The following DCUN1D4 variants were observed in gnomAD, a reference collection of about 807,000 sequenced individuals.
DCUN1D4 encodes DCN1-like protein 4.
Under a neutral mutation model 47.9 loss-of-function variants are expected in DCUN1D4, and 22 were observed. The observed-to-expected ratio is 0.46, with a 90% CI of 0.33 to 0.66. The LOEUF is 0.66. Ranked by LOEUF, DCUN1D4 falls within the 30% of genes least tolerant of loss-of-function variation. The pLI is 0.02. For missense variants in DCUN1D4, 301 were observed against 340.8 expected, an observed-to-expected ratio of 0.88 and a Z score of 0.92; for synonymous variants, 121 against 112.2, an observed-to-expected ratio of 1.08 and a Z score of -0.50.
chr4:51,863,839 T>A, intron 3 of DCUN1D4, 130 bp downstream of exon 3: 1 of 956,372 alleles, frequency 1.0e-6, no homozygotes, highest in Non-Finnish European at 1.5e-6. Flanking sequence ...GCTGAGGTTG[T>A]TTTTCAGGGA....
chr4:51,839,760 C>T (rs1354631074), upstream of DCUN1D4, among the ~76,000 whole-genome samples: 1 of 152,212 alleles, frequency 6.6e-6, no homozygotes, highest in African/African-American at 2.4e-5. Context: ...ATTTATCTGT[C>T]TGTGCAGGCC....
intron 7 of DCUN1D4, among the ~76,000 whole-genome samples, chr4:51,897,942 T>C (rs757139588): frequency 4.6e-5 from 7 of 152,214 alleles, no homozygotes; most frequent in Non-Finnish European, 7.3e-5. Flanking sequence ...AGAAGAATTA[T>C]AGCCAATAAA....
chr4:51,901,344 G>A (rs1467729201), intron 8 of DCUN1D4, among the ~76,000 whole-genome samples: 4 of 152,176 alleles, frequency 2.6e-5, no homozygotes, highest in African/African-American at 4.8e-5. Context: ...AAATGGCCAC[G>A]TTGTTCATAG....
chr4:51,842,964 T>C, upstream of DCUN1D4: 1 of 998,956 alleles, frequency 1.0e-6, no homozygotes, highest in Non-Finnish European at 1.3e-6. Context: ...CCAGGGGCGT[T>C]ACGGAGACAA....
chr4:51,866,463 G>T (rs1262598178), intron 3 of DCUN1D4, among the ~76,000 whole-genome samples: 1 of 151,982 alleles, frequency 6.6e-6, no homozygotes, highest in Non-Finnish European at 1.5e-5. Flanking sequence ...TTTCCACTCA[G>T]TATATCCTTG....
chr4:51,844,377 C>T (rs1460642451), intron 1 of DCUN1D4: 8 of 984,216 alleles, frequency 8.1e-6, no homozygotes, highest in African/African-American at 1.8e-5. Flanking sequence ...GGCCGTGGTT[C>T]CCCCCGGACG....
chr4:51,866,809 C>T (rs978946572), intron 3 of DCUN1D4, among the ~76,000 whole-genome samples: 4 of 152,214 alleles, frequency 2.6e-5, no homozygotes, highest in Admixed American at 6.5e-5. Flanking sequence ...ACAGTGGATA[C>T]GTCCAATACT....
chr4:51,842,483 A>C (rs1377436579), upstream of DCUN1D4, among the ~76,000 whole-genome samples: 1 of 152,260 alleles, frequency 6.6e-6, no homozygotes, highest in African/African-American at 2.4e-5. Context: ...GAGAGGATGG[A>C]TCTTCGTAGG....
At chr4:51,903,354 G>A (rs547348943) in intron 8 of DCUN1D4, among the ~76,000 whole-genome samples, 1 of 152,222 alleles carries the variant, frequency 6.6e-6, no homozygotes, top group Non-Finnish European at 1.5e-5. Flanking sequence ...TTCATCATGT[G>A]TAATTATAAA....
At chr4:51,844,427 G>A (rs1308695237) in intron 1 of DCUN1D4, 6 of 983,984 alleles carry the variant, frequency 6.1e-6, no homozygotes, top group Non-Finnish European at 7.2e-6. Flanking sequence ...CTCCGGCAGC[G>A]GGACTAGGAG....
chr4:51,848,605 T>C (rs961416731), intron 1 of DCUN1D4, among the ~76,000 whole-genome samples: 3 of 152,348 alleles, frequency 2.0e-5, no homozygotes, highest in South Asian at 2.1e-4. Context: ...TTTTTTTCTT[T>C]TGAAATTTAC....
chr4:51,868,742 A>G (rs983468324), intron 3 of DCUN1D4, among the ~76,000 whole-genome samples: 2 of 152,120 alleles, frequency 1.3e-5, no homozygotes, highest in African/African-American at 4.8e-5. Flanking sequence ...GTGTGTCACA[A>G]TCTTCCTCCT....
In DCUN1D4 at chr4:51,913,545, C is replaced by G. The variant is rs139477455; in HGVS notation, c.840C>G (p.Asp280Glu). 1 of 1,612,422 alleles carries G rather than the reference C, an allele frequency of 6.2e-7. No individual in the cohort carries two copies. The highest frequency in any genetic ancestry group is 8.5e-7 in the Non-Finnish European group (1 of 1,179,118). The change falls in exon 11 of 11, where the codon GAC becomes GAG. Residue 280 changes from aspartate to glutamate, a missense_variant. Around this residue, in one of 2 missense-constraint regions of DCUN1D4, gnomAD observed 170 missense variants for 234.5 expected, o/e 0.73. Transcript: ENST00000334635. ...TCTCTCCAGGGCCAGTTTTGTTGGA[C>G]GAGTTTGTGGAGTGGTATAAAGACA... ...DEDGAWPVLL[D>E]EFVEWYKDKQ...
At position 51,890,780 on chromosome 4, in the gene DCUN1D4, G is replaced by A. The variant is rs150075165; in HGVS notation, c.415-980G>A. ...AGCATTCCAGATAGCTTAAAGCTGG[G>A]TGCACCTTTGAAATGTCATTTTGTC... is the stretch of plus-strand genomic sequence containing the variant. On this transcript the variant is annotated intron_variant, in intron 6 of 10. Transcript: ENST00000334635. 2.8e-3 allele frequency among the ~76,000 whole-genome samples: 434 copies of A among 152,304 alleles called. 2 individuals are homozygous for A. Among genetic ancestry groups the A allele is most frequent in the African/African-American group, 9.9e-3 (413 of 41,562 alleles).
At chr4:51,910,830 G>T (rs1578063642) in intron 8 of DCUN1D4, 6 of 537,746 alleles carry the variant, frequency 1.1e-5, no homozygotes, top group East Asian at 3.3e-5. Context: ...TTGCATTAGG[G>T]TGATCATTCA....
At chr4:51,855,970 A>G (rs1015897096) in intron 1 of DCUN1D4, among the ~76,000 whole-genome samples, 2 of 152,126 alleles carry the variant, frequency 1.3e-5, no homozygotes, top group Non-Finnish European at 2.9e-5. Flanking sequence ...ACGTGGTACA[A>G]TTGACTTTTC....
intron 1 of DCUN1D4, among the ~76,000 whole-genome samples, chr4:51,861,569 G>A (rs762565281): frequency 1.3e-5 from 2 of 152,148 alleles, no homozygotes; most frequent in Non-Finnish European, 2.9e-5. Flanking sequence ...CAAAAGCATA[G>A]CCTGGAGAGT....
chr4:51,880,562 G>T (rs2110010964), intron 5 of DCUN1D4, among the ~76,000 whole-genome samples: 1 of 152,238 alleles, frequency 6.6e-6, no homozygotes, highest in Admixed American at 6.5e-5. Flanking sequence ...TTTCTGTCTG[G>T]CCAGTTAACC....
Position 51,885,665 on chromosome 4 carries a change from G to A in DCUN1D4, c.344-903G>A, listed in dbSNP as rs10434433. ...ATTTGGGTAGGACCCGAGACCTTGA[G>A]TATGGTTAAAATTTCCTAGGAATAA... On this transcript the variant is annotated intron_variant, in intron 5 of 10. Coordinates refer to ENST00000334635, the MANE Select transcript of DCUN1D4 (RefSeq NM_001040402.3). Among the ~76,000 whole-genome samples the A allele has an allele frequency of 1.4e-4, 22 of 152,310 alleles. No individual in the cohort carries two copies. The East Asian group carries it at 4.1e-3, about 28-fold the overall frequency.
Sources: allele counts gnomAD v4.1 joint callset (sites outside exome capture counted in the v4.1 genomes callset), GRCh38; gene constraint gnomAD v4.1.1; regional missense constraint gnomAD v4.1.1; transcripts MANE v1.5; gene names NCBI Gene and HGNC (gene_info 2026-07-23, HGNC 2026-07-21).